Variants in GPC6 observed in about 807,000 individuals in gnomAD.
GPC6 encodes the protein glypican 6, also known as glypican-6.
In GPC6, 14 loss-of-function variants were observed where a neutral mutation model predicts 55.2. The ratio of observed to expected loss-of-function variants is 0.25; its 90% CI spans 0.17 to 0.40. The LOEUF is 0.40. Among genes scored for constraint, GPC6 ranks in the 10% least tolerant of loss-of-function variants. The pLI, the probability that GPC6 is intolerant of heterozygous loss-of-function variation, is 1.00. For synonymous variants in GPC6, 278 were observed against 259.6 expected (o/e 1.07, Z -0.68); for missense variants, 641 against 708.5 (o/e 0.90, Z 1.08).
At chr13:93,315,538 TTAAC>T (rs1421926247) in intron 1 of GPC6, among the ~76,000 whole-genome samples, 1 of 151,988 alleles carries the variant, frequency 6.6e-6, no homozygotes, top group East Asian at 1.9e-4. Context: ...TAATTAATGA[TTAAC>T]TATTTTTTTG....
rs546610727 is a variant in GPC6, at chr13:93,675,338, AC to A, written c.319+129918del. On this transcript the variant is annotated intron_variant, in intron 2 of 8. Transcript: ENST00000377047. The stretch of plus-strand genomic sequence containing the variant: ...AGTGTTTTTTTCCTTAAAAAAAAAA[AC>A]ATCTATAGTTTTAATAGTTGACTTA... 3.8e-3 allele frequency among the ~76,000 whole-genome samples: 576 copies of A among 152,150 alleles called. 5 individuals are homozygous for A. Among genetic ancestry groups the A allele is most frequent in the African/African-American group, 0.01 (424 of 41,516 alleles).
intron 4 of GPC6, among the ~76,000 whole-genome samples, chr13:94,263,227 A>G (rs1891703937): frequency 6.6e-6 from 1 of 152,218 alleles, no homozygotes; most frequent in African/African-American, 2.4e-5. Flanking sequence ...GGAATTCACT[A>G]GTTTCTCCCT....
At chr13:93,508,416 G>A (rs1356217767) in intron 1 of GPC6, among the ~76,000 whole-genome samples, 1 of 152,200 alleles carries the variant, frequency 6.6e-6, no homozygotes, top group Non-Finnish European at 1.5e-5. Context: ...GTTTAAGCAA[G>A]GTGAGGCTGG....
intron 6 of GPC6, among the ~76,000 whole-genome samples, chr13:94,336,682 A>C (rs1024189894): frequency 6.6e-6 from 1 of 151,964 alleles, no homozygotes; most frequent in Non-Finnish European, 1.5e-5. Context: ...CTTTCTCTGC[A>C]ACAACAACAA....
At chr13:93,397,755 C>T (rs139881988) in intron 1 of GPC6, among the ~76,000 whole-genome samples, 2 of 151,712 alleles carry the variant, frequency 1.3e-5, no homozygotes, top group African/African-American at 4.8e-5. Context: ...GTTCTTTTCT[C>T]CCTCCTCTTT....
chr13:94,228,793 G>T (rs1484209829), intron 4 of GPC6, among the ~76,000 whole-genome samples: 2 of 91,218 alleles, frequency 2.2e-5, no homozygotes, highest in Non-Finnish European at 2.2e-5. Flanking sequence ...TATCCTCTTT[G>T]GTTTAAAAAA....
intron 3 of GPC6, among the ~76,000 whole-genome samples, chr13:93,985,488 C>T (rs2140409095): frequency 6.6e-6 from 1 of 151,230 alleles, no homozygotes; most frequent in Admixed American, 6.6e-5. Context: ...AGCGACACCA[C>T]CTAGCTCTAC....
chr13:94,134,750 T>C (rs973578735), intron 4 of GPC6, among the ~76,000 whole-genome samples: 3 of 152,128 alleles, frequency 2.0e-5, no homozygotes, highest in African/African-American at 7.2e-5. Context: ...ATGCAGAATA[T>C]CATACTATTC....
chr13:93,482,550 A>T (rs1056329157), intron 1 of GPC6, among the ~76,000 whole-genome samples: 2 of 152,152 alleles, frequency 1.3e-5, no homozygotes, highest in South Asian at 4.1e-4. Context: ...GTAACCTATC[A>T]TGAAGAAATA....
At chr13:93,422,235 C>A (rs530328352) in intron 1 of GPC6, among the ~76,000 whole-genome samples, 1 of 152,104 alleles carries the variant, frequency 6.6e-6, no homozygotes, top group African/African-American at 2.4e-5. Context: ...TAAGCAACAC[C>A]CTCGAAATAT....
intron 1 of GPC6, among the ~76,000 whole-genome samples, chr13:93,382,150 T>A (rs773098079): frequency 1.4e-4 from 22 of 152,132 alleles, no homozygotes; most frequent in Non-Finnish European, 7.4e-5. Context: ...TTTTGACTAA[T>A]TCCTAAAGCT....
chr13:93,330,685 A>G (rs1032542725), intron 1 of GPC6, among the ~76,000 whole-genome samples: 3 of 152,178 alleles, frequency 2.0e-5, no homozygotes, highest in Non-Finnish European at 1.5e-5. Flanking sequence ...TCTTCCCAAC[A>G]GTGGCTGATC....
intron 3 of GPC6, among the ~76,000 whole-genome samples, chr13:93,989,994 G>T (rs1767317695): frequency 6.7e-6 from 1 of 150,082 alleles, no homozygotes; most frequent in Non-Finnish European, 1.5e-5. Flanking sequence ...AAAAGTACAG[G>T]TATAAATAAA....
intron 2 of GPC6, among the ~76,000 whole-genome samples, chr13:93,606,316 C>CT (rs1376438183): frequency 6.6e-6 from 1 of 152,122 alleles, no homozygotes; most frequent in African/African-American, 2.4e-5. Context: ...CACATAGACA[C>CT]TAAGGATTTA....
intron 3 of GPC6, among the ~76,000 whole-genome samples, chr13:94,016,104 T>A (rs1882456427): frequency 6.6e-6 from 1 of 152,216 alleles, no homozygotes; most frequent in African/African-American, 2.4e-5. Flanking sequence ...GTTTTTCTAC[T>A]CTAGATACTT....
intron 3 of GPC6, among the ~76,000 whole-genome samples, chr13:93,905,077 CTTTTTT>C (rs11308770): frequency 1.5e-5 from 2 of 133,838 alleles, no homozygotes; most frequent in Admixed American, 7.5e-5. Context: ...AGCATTCTCT[CTTTTTT>C]TTTTTTTTTT....
intron 1 of GPC6, among the ~76,000 whole-genome samples, chr13:93,279,612 A>G (rs1877877104): frequency 6.6e-6 from 1 of 152,224 alleles, no homozygotes; most frequent in African/African-American, 2.4e-5. Context: ...TTAAAGAATT[A>G]GGAAAGTATC....
chr13:93,537,299 G>C (rs1479775782), intron 1 of GPC6, among the ~76,000 whole-genome samples: 1 of 152,126 alleles, frequency 6.6e-6, no homozygotes, highest in East Asian at 1.9e-4. Flanking sequence ...CCAATAGATG[G>C]ATAGTTCTTG....
chr13:94,398,237 T>TAA (rs375910551), intron 7 of GPC6, among the ~76,000 whole-genome samples: 1,972 of 139,832 alleles, frequency 0.014, 37 homozygotes, highest in African/African-American at 0.048. Flanking sequence ...CAGTGCCATT[T>TAA]AAAAAAAAAA....
Sources: gnomAD v4.1 joint callset for allele counts (sites outside exome capture counted in the v4.1 genomes callset) on GRCh38, gnomAD v4.1.1 for gene constraint, MANE v1.5 for transcripts, NCBI Gene and HGNC (gene_info 2026-07-23, HGNC 2026-07-21) for gene names.